CFAP20DC: variants seen among roughly 807,000 people sequenced by gnomAD.
The protein encoded by CFAP20DC is CFAP20 domain containing.
In CFAP20DC, 84 loss-of-function variants were observed where a neutral mutation model predicts 101.7. That is an observed-to-expected ratio of 0.83 (90% CI 0.69 to 0.99). The LOEUF is 0.99. CFAP20DC is among the 50% of genes least tolerant of loss of function. The pLI is 0.00. For synonymous variants in CFAP20DC, 359 were observed against 351.2 expected, an observed-to-expected ratio of 1.02 and a Z score of -0.25; for missense variants, 1,007 against 970.3, an observed-to-expected ratio of 1.04 and a Z score of -0.50.
At chr3:58,811,174 T>C (rs2074595283) in intron 14 of CFAP20DC, among the ~76,000 whole-genome samples, 2 of 152,080 alleles carry the variant, frequency 1.3e-5, no homozygotes. Flanking sequence ...AAGCTACCAA[T>C]GACTTTCTTC....
intron 4 of CFAP20DC, among the ~76,000 whole-genome samples, chr3:58,940,232 C>T (rs1312988880): frequency 2.0e-5 from 3 of 152,138 alleles, no homozygotes; most frequent in Non-Finnish European, 4.4e-5. Context: ...AGGGAGACAG[C>T]GATGAAAAAG....
chr3:58,938,297 T>C (rs2087994118), intron 4 of CFAP20DC, among the ~76,000 whole-genome samples: 1 of 152,232 alleles, frequency 6.6e-6, no homozygotes, highest in Non-Finnish European at 1.5e-5. Flanking sequence ...TATCGCTCAC[T>C]ATTCAGGTCA....
At chr3:59,049,115 CTGA>C (rs953714513) in intron 1 of CFAP20DC, among the ~76,000 whole-genome samples, 5 of 152,232 alleles carry the variant, frequency 3.3e-5, no homozygotes, top group African/African-American at 1.2e-4. Flanking sequence ...ACTCCAACGT[CTGA>C]GATTCACTGA....
intron 4 of CFAP20DC, among the ~76,000 whole-genome samples, chr3:58,972,038 A>G (rs1442514219): frequency 2.6e-5 from 4 of 152,210 alleles, no homozygotes; most frequent in Non-Finnish European, 5.9e-5. Flanking sequence ...ATAAGAAAAA[A>G]GCAATGATTA....
At position 58,863,617 on chromosome 3, in the gene CFAP20DC, C is replaced by T. The variant is rs34631714; in HGVS notation, c.1534G>A (p.Val512Met). Reference sequence around the variant, plus strand: ...TCTGATTGGGTGTCTCTGCTTGTCACACTGTTATCCTCTTTTAGATCCAAA... The same window carrying T: ...TCTGATTGGGTGTCTCTGCTTGTCATACTGTTATCCTCTTTTAGATCCAAA... Reference protein sequence around the residue: ...FILDLKEDNSVTSRDTQSEDD... With the variant: ...FILDLKEDNSMTSRDTQSEDD... Residue 512 changes from valine (V) to methionine (M), a missense_variant, in exon 12 of 17, where the codon GTG becomes ATG. Transcript: ENST00000482387. This position sits in a 1 kb window ranked among gnomAD's most constrained non-coding sequence, Gnocchi z 5.9. 5,830 of 1,614,166 alleles carry T rather than the reference C, an allele frequency of 3.6e-3. 19 individuals carry two copies. The highest frequency in any genetic ancestry group is 4.5e-3 in the Non-Finnish European group (5,300 of 1,180,030).
At chr3:58,987,628 T>A (rs963228540) in intron 4 of CFAP20DC, among the ~76,000 whole-genome samples, 4 of 151,986 alleles carry the variant, frequency 2.6e-5, no homozygotes, top group African/African-American at 9.7e-5. Flanking sequence ...GTATCAGCAT[T>A]GTACAGATAC....
At chr3:58,774,181 TG>T (rs1575605904) in intron 15 of CFAP20DC, among the ~76,000 whole-genome samples, 1 of 151,982 alleles carries the variant, frequency 6.6e-6, no homozygotes, top group Admixed American at 6.6e-5. Flanking sequence ...TACAGACACT[TG>T]AAAAAAAATG....
chr3:58,925,294 C>A (rs956415915), intron 5 of CFAP20DC, among the ~76,000 whole-genome samples: 4 of 152,186 alleles, frequency 2.6e-5, no homozygotes, highest in African/African-American at 9.7e-5. Flanking sequence ...AATTAATTTA[C>A]TTACAATCAT....
At chr3:58,876,526 T>C (rs1559751431) in intron 7 of CFAP20DC, among the ~76,000 whole-genome samples, 1 of 152,140 alleles carries the variant, frequency 6.6e-6, no homozygotes, top group Non-Finnish European at 1.5e-5. Flanking sequence ...GGCATTTCAT[T>C]TCCTTGAGTT....
chr3:58,818,320 G>C (rs1311130896), intron 14 of CFAP20DC, among the ~76,000 whole-genome samples: 2 of 148,264 alleles, frequency 1.3e-5, no homozygotes, highest in East Asian at 4.1e-4. Flanking sequence ...TGGACTAAAT[G>C]CTCCAATTAA....
chr3:58,784,398 T>TA (rs1203423875), intron 15 of CFAP20DC, among the ~76,000 whole-genome samples: 5 of 152,090 alleles, frequency 3.3e-5, no homozygotes, highest in Non-Finnish European at 5.9e-5. Flanking sequence ...AGGCAAGGGT[T>TA]AAAAAAACTA....
At chr3:59,033,903 T>A (rs765381378) in intron 4 of CFAP20DC, among the ~76,000 whole-genome samples, 2 of 152,112 alleles carry the variant, frequency 1.3e-5, no homozygotes, top group Non-Finnish European at 2.9e-5. Context: ...AATTATCAGA[T>A]TCTCCAAGGC....
chr3:58,807,593 T>A (rs1024019473), intron 14 of CFAP20DC, among the ~76,000 whole-genome samples: 1 of 151,928 alleles, frequency 6.6e-6, no homozygotes. Flanking sequence ...AGACCAAAAG[T>A]AGATAAAACC....
intron 15 of CFAP20DC, among the ~76,000 whole-genome samples, chr3:58,759,506 T>C (rs1191746306): frequency 6.6e-6 from 1 of 152,218 alleles, no homozygotes; most frequent in Non-Finnish European, 1.5e-5. Context: ...CTGATGGAAG[T>C]TTCTTTTGCT....
chr3:58,768,432 C>A (rs187250499), intron 15 of CFAP20DC, among the ~76,000 whole-genome samples: 1 of 152,110 alleles, frequency 6.6e-6, no homozygotes, highest in South Asian at 2.1e-4. Context: ...TGGTTTAACA[C>A]GAGCGGGAAT....
chr3:58,921,231 C>T (rs1479992249), intron 5 of CFAP20DC, among the ~76,000 whole-genome samples: 2 of 151,918 alleles, frequency 1.3e-5, no homozygotes, highest in South Asian at 2.1e-4. Context: ...CTCCATCACC[C>T]ATTTTTTATT....
intron 4 of CFAP20DC, among the ~76,000 whole-genome samples, chr3:58,955,249 A>C (rs1159210276): frequency 2.0e-5 from 3 of 152,108 alleles, no homozygotes; most frequent in African/African-American, 7.2e-5. Context: ...CATAAGAACC[A>C]AAAAATTAGG....
At chr3:58,747,929 A>G (rs1360407751) in intron 16 of CFAP20DC, among the ~76,000 whole-genome samples, 1 of 152,204 alleles carries the variant, frequency 6.6e-6, no homozygotes, top group Non-Finnish European at 1.5e-5. Context: ...TTCCAATTAG[A>G]GGGCTATATT....
At position 58,966,113 on chromosome 3, in the gene CFAP20DC, C is replaced by CT. The variant is rs2091500270; in HGVS notation, c.279-28352dup. 5.9e-5 allele frequency among the ~76,000 whole-genome samples: 9 copies of CT among 152,342 alleles called. No individual in the cohort carries two copies. In the South Asian group the frequency reaches 1.9e-3, roughly 32 times the overall value. ...TGGCAAGGCCGGGGCTCCCATCCTA[C>CT]TTTGTCCCTTCCTAAATGTGCTCAT... On this transcript the variant is annotated intron_variant, in intron 4 of 16. Transcript: ENST00000482387.
Sources: allele counts gnomAD v4.1 joint callset (sites outside exome capture counted in the v4.1 genomes callset), GRCh38; gene constraint gnomAD v4.1.1; non-coding constraint Gnocchi (gnomAD v3.1); transcripts MANE v1.5; gene names NCBI Gene and HGNC (gene_info 2026-07-23, HGNC 2026-07-21).